KTN1: variants seen among roughly 807,000 people sequenced by gnomAD.
The protein encoded by KTN1 is kinectin.
KTN1 carries 130 observed loss-of-function variants against 222.5 expected under a neutral mutation model. The observed-to-expected ratio is 0.58, with a 90% CI of 0.51 to 0.68. The LOEUF is 0.68. KTN1 is among the 30% of genes least tolerant of loss of function. The pLI is 0.00. For synonymous variants in KTN1, 512 were observed against 496.3 expected, an observed-to-expected ratio of 1.03 and a Z score of -0.42; for missense variants, 1,508 against 1,500.4, an observed-to-expected ratio of 1.01 and a Z score of -0.08.
chr14:55,678,520 T>G, intron 42 of KTN1, 76 bp downstream of exon 42: 3 of 839,954 alleles, frequency 3.6e-6, no homozygotes, highest in Non-Finnish European at 6.1e-6. Flanking sequence ...ATGTATAAGG[T>G]CCATCTCCGA....
In KTN1 at chr14:55,684,191, T is replaced by G; in HGVS notation, c.*88T>G. 1 of 1,016,788 alleles carries G rather than the reference T, an allele frequency of 9.8e-7. No homozygotes were observed. Among genetic ancestry groups the G allele is most frequent in the Non-Finnish European group, 1.5e-6 (1 of 675,268 alleles). The allele number at this position is 1,016,788 out of a possible 1,614,324, so 63.0% of individuals were successfully genotyped here. A position where few individuals can be genotyped will look rare whatever the true frequency, so the allele number is the denominator to read the frequency against. On this transcript the variant is annotated 3_prime_UTR_variant, in exon 44 of 44. Transcript: ENST00000395314. Reference sequence around the variant, plus strand: ...AAGCCTTATTTATGTTTTCACCCTTTCTACTTTGTCAGAAACACTGAACAG... The same window carrying G: ...AAGCCTTATTTATGTTTTCACCCTTGCTACTTTGTCAGAAACACTGAACAG...
At position 55,679,607 on chromosome 14, in the gene KTN1, A is replaced by G. The variant is rs1162246481; in HGVS notation, c.3991A>G (p.Thr1331Ala). 3.1e-6 allele frequency: 5 copies of G among 1,608,104 alleles called. No individual in the cohort carries two copies. Among genetic ancestry groups the G allele is most frequent in the African/African-American group, 1.3e-5 (1 of 74,930 alleles). Residue 1331 changes from threonine (T) to alanine (A), a missense_variant, in exon 43 of 44, where the codon ACT becomes GCT. Physicochemically the swap from Thr to Ala is moderately conservative, Grantham distance 58 (BLOSUM62 0). Coordinates refer to ENST00000395314, the MANE Select transcript of KTN1 (RefSeq NM_001079521.2). ...GACAATGTCTGTAAGTCTAAATCAGACTGTAACACAGTTACAGCAGTTGCT... is the reference window on the plus strand; with the variant it reads ...GACAATGTCTGTAAGTCTAAATCAGGCTGTAACACAGTTACAGCAGTTGCT... The part of the protein sequence containing the change: ...KETMSVSLNQ[T>A]VTQLQQLLQA...
chr14:55,663,628 A>C (rs1276713798), intron 32 of KTN1: 1 of 218,334 alleles, frequency 4.6e-6, no homozygotes, highest in Non-Finnish European at 9.1e-6. Flanking sequence ...TAATCTTCTA[A>C]TGTTCAATGT....
At chr14:55,676,468 A>G (rs1028579679) in intron 41 of KTN1, among the ~76,000 whole-genome samples, 2 of 152,176 alleles carry the variant, frequency 1.3e-5, no homozygotes, top group Admixed American at 6.5e-5. Flanking sequence ...TTCTTATATC[A>G]AAGCTGTTTT....
intron 18 of KTN1, chr14:55,644,233 C>T (rs889775886): frequency 5.2e-6 from 2 of 385,622 alleles, no homozygotes; most frequent in East Asian, 8.1e-5. Context: ...TCTGTCATTT[C>T]CACTTTTCTT....
chr14:55,650,628 G>A lies in KTN1; in HGVS notation c.2556G>A (p.Lys852=), dbSNP rs2042842651. 1.2e-6 allele frequency: 2 copies of A among 1,607,514 alleles called. No homozygotes were observed. The highest frequency in any genetic ancestry group is 1.7e-6 in the Non-Finnish European group (2 of 1,174,584). ...AAATAGGAAATGTCCAGCTTGAAAA[G>A]GCTCAACAGGTAAAAATCCCAGAGC... ...KEEIGNVQLE[K]AQQLSITSKV... Residue 852 remains lysine, a synonymous_variant, in exon 24 of 44, where the codon AAG becomes AAA. Transcript: ENST00000395314.
At chr14:55,620,825 G>A (rs28797903) in intron 5 of KTN1, among the ~76,000 whole-genome samples, 2 of 152,240 alleles carry the variant, frequency 1.3e-5, no homozygotes, top group Non-Finnish European at 2.9e-5. Flanking sequence ...TTTCTCCATT[G>A]TTTTGGTGAT....
At chr14:55,661,389 CTCTT>C (rs772825176) in intron 31 of KTN1, 129 bp from the exon 32 acceptor site, 4 of 548,444 alleles carry the variant, frequency 7.3e-6, no homozygotes, top group Non-Finnish European at 1.3e-5. Flanking sequence ...AGTAGGTAGA[CTCTT>C]TAATGTACTT....
chr14:55,659,664 A>G lies in KTN1; in HGVS notation c.2962-2A>G, dbSNP rs1177522833. 6.7e-7 allele frequency: 1 copy of G among 1,493,212 alleles called. No homozygotes were observed. The highest frequency in any genetic ancestry group is 9.3e-7 in the Non-Finnish European group (1 of 1,071,780). 92.5% of individuals were successfully genotyped at this position (1,493,212 alleles called of 1,614,324 possible). A position where few individuals can be genotyped will look rare whatever the true frequency, so the allele number is the denominator to read the frequency against. ...TGAAATAACATTTAACTCTTTTGAT[A>G]GGCATCTTCTTTTCCCCCTCATGAA... is the stretch of plus-strand genomic sequence containing the variant. On this transcript the variant is annotated splice_acceptor_variant, in intron 30 of 43. Transcript: ENST00000395314. LOFTEE classifies it high-confidence loss of function.
chr14:55,594,613 C>G (rs1594739975), intron 1 of KTN1, among the ~76,000 whole-genome samples: 1 of 147,174 alleles, frequency 6.8e-6, no homozygotes, highest in Non-Finnish European at 1.5e-5. Context: ...TGAATTCATT[C>G]TTGAAAACCC....
Position 55,619,540 on chromosome 14 carries a change from C to T in KTN1, c.963+228C>T, listed in dbSNP as rs115747933. On this transcript the variant is annotated intron_variant, in intron 5 of 43. Transcript: ENST00000395314. ...TTATAAAGAAAAAGAGTTTAAATGG[C>T]TCACAGTTCTACGTGGCTGGGGAGG... Among the ~76,000 whole-genome samples the T allele has an allele frequency of 9.2e-3, 1,395 of 152,228 alleles. 9 individuals are homozygous for T. Among genetic ancestry groups the T allele is most frequent in the South Asian group, 0.025 (123 of 4,824 alleles).
chr14:55,585,110 T>C (rs893058415), intron 1 of KTN1, among the ~76,000 whole-genome samples: 8 of 128,484 alleles, frequency 6.2e-5, no homozygotes, highest in Non-Finnish European at 1.2e-4. Flanking sequence ...CCAGCCTGGG[T>C]GACAGAGTGA....
chr14:55,670,798 G>C lies in KTN1; in HGVS notation c.3337G>C (p.Glu1113Gln). The C allele has an allele frequency of 6.2e-7, 1 of 1,607,438 alleles. No individual in the cohort carries two copies. The highest frequency in any genetic ancestry group is 8.5e-7 in the Non-Finnish European group (1 of 1,175,240). ...KECMAGTSGSEEVKVLEHKLK... is the reference protein window; with the variant it reads ...KECMAGTSGSQEVKVLEHKLK... Reference sequence around the variant, plus strand: ...ATGTATGGCTGGAACTTCAGGGTCAGAGGAGGTTAAGGTTAGTTCAGCAAA... The same window carrying C: ...ATGTATGGCTGGAACTTCAGGGTCACAGGAGGTTAAGGTTAGTTCAGCAAA... Residue 1113 changes from glutamate to glutamine, a missense_variant, in exon 35 of 44, where the codon GAG becomes CAG. Coordinates refer to ENST00000395314, the MANE Select transcript of KTN1 (RefSeq NM_001079521.2).
intron 33 of KTN1, among the ~76,000 whole-genome samples, chr14:55,666,111 A>G (rs1365639192): frequency 6.6e-6 from 1 of 151,982 alleles, no homozygotes; most frequent in Non-Finnish European, 1.5e-5. Flanking sequence ...TCATTGAATT[A>G]TTGAAAATAT....
chr14:55,637,703 T>A (rs2140973210), intron 11 of KTN1, 76 bp from the exon 12 acceptor site: 1 of 976,776 alleles, frequency 1.0e-6, no homozygotes, highest in East Asian at 2.4e-5. Context: ...CAAATGTACC[T>A]ATAATACATT....
At chr14:55,666,921 T>C (rs1307137779) in intron 33 of KTN1, among the ~76,000 whole-genome samples, 7 of 152,008 alleles carry the variant, frequency 4.6e-5, no homozygotes, top group Admixed American at 3.9e-4. Context: ...CTATAAGAAA[T>C]GCTTTTTGTG....
rs1467049659 is a variant in KTN1 at position 55,631,353 on chromosome 14, T to TG, written c.1221+1256_1221+1257insG. On this transcript the variant is annotated intron_variant, in intron 7 of 43. Transcript: ENST00000395314. ...TATTGATAAGGTTGATATATATATATATATATATATATATATGTATTTTTT... is the reference window on the plus strand; with the variant it reads ...TATTGATAAGGTTGATATATATATATGATATATATATATATATGTATTTTTT... Among the ~76,000 whole-genome samples, 100 of 142,240 alleles carry TG rather than the reference T, an allele frequency of 7.0e-4. 1 individual carries two copies. Among genetic ancestry groups the TG allele is most frequent in the Non-Finnish European group, 1.1e-3 (72 of 66,038 alleles). The allele number at this position is 142,240 out of a possible 152,430, so 93.3% of individuals were successfully genotyped here. A position where few individuals can be genotyped will look rare whatever the true frequency, so the allele number is the denominator to read the frequency against.
At chr14:55,639,063 G>T in intron 12 of KTN1, 122 bp from the exon 13 acceptor site, 1 of 633,770 alleles carries the variant, frequency 1.6e-6, no homozygotes. Flanking sequence ...CCATGGGCCA[G>T]ATACTTTCAT....
In KTN1 at chr14:55,651,824, C is replaced by G. The variant is rs938580658; in HGVS notation, c.2566-66C>G. On this transcript the variant is annotated intron_variant, in intron 24 of 43. Coordinates refer to ENST00000395314, the MANE Select transcript of KTN1 (RefSeq NM_001079521.2). Reference sequence around the variant, plus strand: ...ATTTGAAGTGTACACATTATAAAGACTTATAAAGCTTAATAAGTTAAATTG... The same window carrying G: ...ATTTGAAGTGTACACATTATAAAGAGTTATAAAGCTTAATAAGTTAAATTG... 5 of 1,030,344 alleles carry G rather than the reference C, an allele frequency of 4.9e-6. No homozygotes were observed. The African/African-American group carries it at 8.1e-5, about 17-fold the overall frequency. 63.8% of individuals were successfully genotyped at this position (1,030,344 alleles called of 1,614,324 possible). A position where few individuals can be genotyped will look rare whatever the true frequency, so the allele number is the denominator to read the frequency against.
Sources: allele counts gnomAD v4.1 joint callset (sites outside exome capture counted in the v4.1 genomes callset), GRCh38; gene constraint gnomAD v4.1.1; transcripts MANE v1.5; gene names NCBI Gene and HGNC (gene_info 2026-07-23, HGNC 2026-07-21).